The following SPATA17 variants were observed in gnomAD, a reference collection of about 807,000 sequenced individuals.
SPATA17 encodes the protein spermatogenesis associated 17, also known as spermatogenesis-associated protein 17.
Under a neutral mutation model 62.2 loss-of-function variants are expected in SPATA17, and 53 were observed. The ratio of observed to expected loss-of-function variants is 0.85; its 90% confidence interval spans 0.68 to 1.07. The LOEUF is 1.07. Among genes scored for constraint, SPATA17 ranks in the 50% least tolerant of loss-of-function variants. The probability of loss-of-function intolerance (pLI) is 0.00; values close to 1 mark genes in which losing one functional copy is unlikely to be tolerated. For synonymous variants in SPATA17, 146 were observed against 146.8 expected (o/e 0.99, Z 0.04); for missense variants, 466 against 425.5 (o/e 1.10, Z -0.84).
chr1:217,810,152 A>G (rs1674551141), intron 9 of SPATA17, among the ~76,000 whole-genome samples: 1 of 152,158 alleles, frequency 6.6e-6, no homozygotes, highest in African/African-American at 2.4e-5. Context: ...ATTCTGAGGT[A>G]TTTTTTGAGA....
intron 9 of SPATA17, among the ~76,000 whole-genome samples, chr1:217,846,054 T>C (rs1485251419): frequency 2.6e-5 from 4 of 152,062 alleles, no homozygotes; most frequent in Non-Finnish European, 1.5e-5. Flanking sequence ...TGTGAGGTAA[T>C]CACATTAACA....
chr1:217,852,698 C>T (rs1458004529), intron 9 of SPATA17, among the ~76,000 whole-genome samples: 1 of 152,092 alleles, frequency 6.6e-6, no homozygotes, highest in Admixed American at 6.5e-5. Flanking sequence ...AATCATAGAG[C>T]AAATAAATCA....
chr1:217,779,177 T>C lies in SPATA17; in HGVS notation c.724-2997T>C, dbSNP rs1024581055. Among the ~76,000 whole-genome samples, 3 of 151,076 alleles carry C rather than the reference T, an allele frequency of 2.0e-5. No individual in the cohort carries two copies. In the East Asian group the frequency reaches 5.8e-4, roughly 29 times the overall value. ...GTGTGTGTGTGTGTGTGTGTGTCTGTGTATGGAGAGAGAGAAATATTTATG... is the reference window on the plus strand; with the variant it reads ...GTGTGTGTGTGTGTGTGTGTGTCTGCGTATGGAGAGAGAGAAATATTTATG... On this transcript the variant is annotated intron_variant, in intron 7 of 10. Transcript: ENST00000366933.
intron 10 of SPATA17, 101 bp downstream of exon 10, chr1:217,862,957 TATA>T: frequency 1.5e-6 from 1 of 651,094 alleles, no homozygotes; most frequent in Non-Finnish European, 2.5e-6. Context: ...AAAACCATGC[TATA>T]ATAATATTTT....
chr1:217,656,142 C>A (rs2102887485), intron 3 of SPATA17, among the ~76,000 whole-genome samples: 1 of 152,164 alleles, frequency 6.6e-6, no homozygotes, highest in African/African-American at 2.4e-5. Context: ...CCTTGGCCTC[C>A]AAAAATGCTG....
intron 9 of SPATA17, among the ~76,000 whole-genome samples, chr1:217,805,734 A>G (rs1280759656): frequency 6.6e-6 from 1 of 152,208 alleles, no homozygotes; most frequent in Non-Finnish European, 1.5e-5. Flanking sequence ...AATAGAAACC[A>G]CAATGGCATA....
At chr1:217,843,826 A>G (rs1033399930) in intron 9 of SPATA17, among the ~76,000 whole-genome samples, 7 of 152,190 alleles carry the variant, frequency 4.6e-5, no homozygotes, top group Admixed American at 3.3e-4. Flanking sequence ...CCTTTTCTAT[A>G]GAATAGAACC....
rs1437856522 is a variant in SPATA17, at chr1:217,867,176, G to A, written c.*157G>A. The A allele has an allele frequency of 4.6e-5, 7 of 152,276 alleles. No homozygotes were observed. In the East Asian group the frequency reaches 1.4e-3, roughly 29 times the overall value. 9.4% of individuals were successfully genotyped at this position (152,276 alleles called of 1,614,324 possible). On this transcript the variant is annotated 3_prime_UTR_variant, in exon 11 of 11. Transcript: ENST00000366933. ...GTCATGAATTAATTATTGTGTGTAT[G>A]TATTTGAAATCTCTTAGACATATCT...
chr1:217,705,430 CTTTTTTTTTTTTTTTTTTT>C (rs58138326), intron 5 of SPATA17, among the ~76,000 whole-genome samples: 3 of 46,606 alleles, frequency 6.4e-5, no homozygotes, highest in African/African-American at 2.6e-4. Context: ...TTCTAGTTGT[CTTTTTTTTTTTTTTTTTTT>C]TTTTTTTTTG....
intron 5 of SPATA17, among the ~76,000 whole-genome samples, chr1:217,717,337 C>T (rs964841551): frequency 2.0e-5 from 3 of 152,104 alleles, no homozygotes; most frequent in Non-Finnish European, 2.9e-5. Flanking sequence ...TGGCCAGGCA[C>T]GGTGGCTCAC....
At chr1:217,688,525 C>T (rs1671275353) in intron 5 of SPATA17, among the ~76,000 whole-genome samples, 1 of 152,182 alleles carries the variant, frequency 6.6e-6, no homozygotes, top group Non-Finnish European at 1.5e-5. Flanking sequence ...TAGCATGTCA[C>T]ATATTTTAGA....
At chr1:217,765,581 C>T (rs1673279989) in intron 6 of SPATA17, among the ~76,000 whole-genome samples, 1 of 151,676 alleles carries the variant, frequency 6.6e-6, no homozygotes, top group Non-Finnish European at 1.5e-5. Flanking sequence ...AGTTTTCTTT[C>T]TGTTATTGAT....
chr1:217,656,988 C>T lies in SPATA17; in HGVS notation c.240+5810C>T, dbSNP rs55904227. Reference sequence around the variant, plus strand: ...GATTTTTCTCCTTTACACGGAGTTCCTGTGGGACTTAACTAGTGCCAGTGT... The same window carrying T: ...GATTTTTCTCCTTTACACGGAGTTCTTGTGGGACTTAACTAGTGCCAGTGT... On this transcript the variant is annotated intron_variant, in intron 3 of 10. Transcript: ENST00000366933. Among the ~76,000 whole-genome samples, 551 of 152,230 alleles carry T rather than the reference C, an allele frequency of 3.6e-3. 3 individuals are homozygous for T. The highest frequency in any genetic ancestry group is 0.01 in the Middle Eastern group (3 of 294).
chr1:217,823,941 A>G (rs1043982928), intron 9 of SPATA17, among the ~76,000 whole-genome samples: 1 of 151,822 alleles, frequency 6.6e-6, no homozygotes, highest in Non-Finnish European at 1.5e-5. Flanking sequence ...TTGGGTTTCC[A>G]TTTTCACGGA....
intron 10 of SPATA17, among the ~76,000 whole-genome samples, chr1:217,864,757 A>G (rs554645052): frequency 1.9e-4 from 29 of 152,186 alleles, no homozygotes; most frequent in Non-Finnish European, 2.8e-4. Context: ...TGTTTGCTCT[A>G]CTCTATCAAT....
chr1:217,753,711 CA>C, intron 6 of SPATA17, among the ~76,000 whole-genome samples: 2 of 151,856 alleles, frequency 1.3e-5, no homozygotes, highest in East Asian at 3.9e-4. Flanking sequence ...TATACACACA[CA>C]AATACAAACA....
chr1:217,668,899 T>C, intron 3 of SPATA17, 134 bp from the exon 4 acceptor site: 1 of 786,962 alleles, frequency 1.3e-6, no homozygotes, highest in East Asian at 2.8e-5. Context: ...AATACAACAT[T>C]TGATTTCATT....
At chr1:217,710,828 C>T (rs943596221) in intron 5 of SPATA17, among the ~76,000 whole-genome samples, 12 of 152,050 alleles carry the variant, frequency 7.9e-5, no homozygotes, top group African/African-American at 2.9e-4. Flanking sequence ...TAGTCATCCC[C>T]ATTCTACTTG....
At chr1:217,643,160 A>C (rs976986821) in intron 1 of SPATA17, among the ~76,000 whole-genome samples, 2 of 152,192 alleles carry the variant, frequency 1.3e-5, no homozygotes, top group Non-Finnish European at 2.9e-5. Flanking sequence ...TCAGCACAAT[A>C]CGTTCATTCT....
Sources: allele counts gnomAD v4.1 joint callset (sites outside exome capture counted in the v4.1 genomes callset), GRCh38; gene constraint gnomAD v4.1.1; transcripts MANE v1.5; gene names NCBI Gene and HGNC (gene_info 2026-07-23, HGNC 2026-07-21).